SOS2: variants seen among roughly 807,000 people sequenced by gnomAD.
SOS2 encodes the protein SOS Ras/Rho guanine nucleotide exchange factor 2.
In SOS2, 65 loss-of-function variants were observed where a neutral mutation model predicts 148.2. The ratio of observed to expected loss-of-function variants is 0.44; its 90% CI spans 0.36 to 0.54. The LOEUF is 0.54. SOS2 is among the 20% of genes least tolerant of loss of function. SOS2 has a pLI of 0.00. For synonymous variants in SOS2, 539 were observed against 537.1 expected, an observed-to-expected ratio of 1.00 and a Z score of -0.05; for missense variants, 1,341 against 1,590.2, an observed-to-expected ratio of 0.84 and a Z score of 2.67.
chr14:50,176,102 G>A lies in SOS2; in HGVS notation c.970-1550C>T, dbSNP rs189582052. Among the ~76,000 whole-genome samples, 312 of 152,326 alleles carry A rather than the reference G, an allele frequency of 2.0e-3. 4 individuals are homozygous for A. The highest frequency in any genetic ancestry group is 1.0e-3 in the Non-Finnish European group (69 of 68,034). ...ATATGAGGGCAGAGCCCCTGTGAAC[G>A]GGGTTAGTGCCCTTATAAAAGGGGC... is the stretch of plus-strand genomic sequence containing the variant. On this transcript the variant is annotated intron_variant, in intron 7 of 22. Transcript: ENST00000216373.
chr14:50,142,215 C>T (rs941248094), intron 16 of SOS2, among the ~76,000 whole-genome samples: 1 of 151,894 alleles, frequency 6.6e-6, no homozygotes, highest in Non-Finnish European at 1.5e-5. Context: ...ATCATGTTGG[C>T]CAGGCTGGTC....
At chr14:50,143,029 A>G (rs1884345901) in intron 16 of SOS2, among the ~76,000 whole-genome samples, 1 of 152,248 alleles carries the variant, frequency 6.6e-6, no homozygotes, top group Non-Finnish European at 1.5e-5. Flanking sequence ...GTGCAACTAA[A>G]TAAAAATGAT....
intron 1 of SOS2, among the ~76,000 whole-genome samples, chr14:50,209,274 CGTGTGTGTGTGTGTGT>C (rs140994310): frequency 4.3e-4 from 51 of 118,340 alleles, no homozygotes; most frequent in East Asian, 1.1e-3. Context: ...CCTTAAATGT[CGTGTGTGTGTGTGTGT>C]GTGTGTGTGT....
chr14:50,206,993 C>A (rs1296299013), intron 1 of SOS2, among the ~76,000 whole-genome samples: 4 of 151,994 alleles, frequency 2.6e-5, no homozygotes, highest in African/African-American at 4.8e-5. Context: ...CCATGCCTGG[C>A]CAGAAAACAT....
At chr14:50,158,081 CAG>C (rs1884875531) in intron 11 of SOS2, among the ~76,000 whole-genome samples, 3 of 152,002 alleles carry the variant, frequency 2.0e-5, no homozygotes, top group South Asian at 4.2e-4. Flanking sequence ...TGTAGGGAAA[CAG>C]ATGAAACAAT....
intron 9 of SOS2, among the ~76,000 whole-genome samples, chr14:50,161,193 G>A (rs774926998): frequency 4.0e-5 from 6 of 149,140 alleles, no homozygotes; most frequent in Admixed American, 1.3e-4. Context: ...CTTGGGAGGC[G>A]AAGGCAGGAG....
At chr14:50,158,305 A>C (rs935914204) in intron 11 of SOS2, among the ~76,000 whole-genome samples, 1 of 152,168 alleles carries the variant, frequency 6.6e-6, no homozygotes, top group Non-Finnish European at 1.5e-5. Flanking sequence ...AACAATATTC[A>C]TTAAAATATA....
At chr14:50,121,447 C>T (rs1883504377) in intron 21 of SOS2, among the ~76,000 whole-genome samples, 1 of 147,376 alleles carries the variant, frequency 6.8e-6, no homozygotes, top group Non-Finnish European at 1.5e-5. Context: ...GCTTATGAGA[C>T]ATCCAAGTAG....
At chr14:50,127,422 G>A (rs543735103) in intron 21 of SOS2, among the ~76,000 whole-genome samples, 4 of 152,206 alleles carry the variant, frequency 2.6e-5, no homozygotes, top group South Asian at 2.1e-4. Context: ...GATTACAGTC[G>A]TGAGCCACCG....
chr14:50,133,339 A>C lies in SOS2; in HGVS notation c.3075+784T>G, dbSNP rs190740720. On this transcript the variant is annotated intron_variant, in intron 19 of 22. Coordinates refer to ENST00000216373, the MANE Select transcript of SOS2 (RefSeq NM_006939.4). ...TTGGCTCACTGCAACCTCCGCCCCC[A>C]GGCGTGCACCACCATGCCTGGCTAA... 1.1e-4 allele frequency among the ~76,000 whole-genome samples: 14 copies of C among 126,298 alleles called. No homozygotes were observed. In the East Asian group the frequency reaches 3.3e-3, roughly 30 times the overall value. 82.9% of individuals were successfully genotyped at this position (126,298 alleles called of 152,430 possible).
At chr14:50,149,891 C>T in intron 14 of SOS2, 117 bp downstream of exon 14, 1 of 735,826 alleles carries the variant, frequency 1.4e-6, no homozygotes, top group Non-Finnish European at 2.3e-6. Flanking sequence ...TCCTCTAAGC[C>T]CATGAGAGTA....
chr14:50,138,559 T>TC, intron 18 of SOS2, 53 bp downstream of exon 18: 1 of 871,000 alleles, frequency 1.1e-6, no homozygotes. Context: ...ATTTTTTTTT[T>TC]TTGGTACCCA....
chr14:50,191,321 T>C (rs534027267), intron 4 of SOS2, among the ~76,000 whole-genome samples: 124 of 151,998 alleles, frequency 8.2e-4, no homozygotes, highest in Non-Finnish European at 1.4e-3. Context: ...AAAAAAATAA[T>C]AACCAGGTAT....
chr14:50,163,293 G>C (rs1343754713), intron 8 of SOS2, among the ~76,000 whole-genome samples: 1 of 151,860 alleles, frequency 6.6e-6, no homozygotes, highest in African/African-American at 2.4e-5. Flanking sequence ...TAACTTATTA[G>C]AGATTTTGTG....
chr14:50,163,831 T>C (rs1885087353), intron 8 of SOS2, among the ~76,000 whole-genome samples: 1 of 152,204 alleles, frequency 6.6e-6, no homozygotes, highest in Non-Finnish European at 1.5e-5. Context: ...TTATCACCAG[T>C]AGTGATATCC....
intron 5 of SOS2, among the ~76,000 whole-genome samples, chr14:50,183,848 A>G (rs771933609): frequency 2.0e-5 from 3 of 152,246 alleles, no homozygotes; most frequent in African/African-American, 4.8e-5. Flanking sequence ...TCTGTGAATT[A>G]CAGCCATTCA....
intron 21 of SOS2, among the ~76,000 whole-genome samples, chr14:50,124,313 T>C (rs182369700): frequency 1.3e-5 from 2 of 152,250 alleles, no homozygotes; most frequent in East Asian, 3.9e-4. Context: ...GACCAAGCAG[T>C]GACAAGTGAA....
In SOS2 at chr14:50,188,446, T is replaced by C. The variant is rs535797335; in HGVS notation, c.714+51A>G. On this transcript the variant is annotated intron_variant, in intron 5 of 22. Transcript: ENST00000216373. ...AAAGTGACTATTTATGATTTTAAGC[T>C]GGTCTGGTTTTTTGGGGTACACAGA... 14 of 1,176,552 alleles carry C rather than the reference T, an allele frequency of 1.2e-5. 1 individual carries two copies. The East Asian group carries it at 2.8e-4, about 24-fold the overall frequency. 72.9% of individuals were successfully genotyped at this position (1,176,552 alleles called of 1,614,324 possible).
intron 21 of SOS2, among the ~76,000 whole-genome samples, chr14:50,122,293 C>A (rs1883537952): frequency 6.6e-6 from 1 of 151,700 alleles, no homozygotes; most frequent in Non-Finnish European, 1.5e-5. Flanking sequence ...AAGCACACAA[C>A]CTTTACTGCT....
Sources: allele counts gnomAD v4.1 joint callset (sites outside exome capture counted in the v4.1 genomes callset), GRCh38; gene constraint gnomAD v4.1.1; transcripts MANE v1.5; gene names NCBI Gene and HGNC (gene_info 2026-07-23, HGNC 2026-07-21).